PRKX: variants seen among roughly 807,000 people sequenced by gnomAD.
The protein encoded by PRKX is cAMP-dependent protein kinase catalytic subunit PRKX.
A neutral mutation model predicts 22.0 loss-of-function variants in PRKX; 12 were observed. That is an observed-to-expected ratio of 0.54 (90% confidence interval 0.35 to 0.88). The LOEUF (loss-of-function observed/expected upper bound fraction) is 0.88. Ranked by LOEUF, PRKX falls within the 40% of genes least tolerant of loss-of-function variation. The probability of loss-of-function intolerance (pLI) is 0.01; values close to 1 mark genes in which losing one functional copy is unlikely to be tolerated. For synonymous variants in PRKX, 134 were observed against 137.7 expected, an observed-to-expected ratio of 0.97 and a Z score of 0.19; for missense variants, 217 against 308.0, an observed-to-expected ratio of 0.70 and a Z score of 2.21.
intron 2 of PRKX, among the ~76,000 whole-genome samples, chrX:3,673,302 G>A (rs1340164147): frequency 9.0e-6 from 1 of 111,632 alleles, no homozygotes; most frequent in Non-Finnish European, 1.9e-5. Context: ...ATGAGTGTGT[G>A]AACAGCACCT....
chrX:3,631,663 C>T (rs962920684), intron 4 of PRKX, among the ~76,000 whole-genome samples: 4 of 111,500 alleles, frequency 3.6e-5, no homozygotes, highest in African/African-American at 1.3e-4. Context: ...TTAGGATGGC[C>T]CTAAATCCAA....
intron 3 of PRKX, among the ~76,000 whole-genome samples, chrX:3,642,439 C>T (rs1255049126): frequency 9.1e-6 from 1 of 109,876 alleles, no homozygotes; most frequent in Non-Finnish European, 1.9e-5. Flanking sequence ...CACACAGACA[C>T]AGAGAGGGGG....
intron 4 of PRKX, among the ~76,000 whole-genome samples, chrX:3,632,978 G>A (rs191801587): frequency 8.9e-6 from 1 of 112,482 alleles, no homozygotes; most frequent in Admixed American, 9.4e-5. Context: ...AGCATTTGGG[G>A]AGGCCAACGC....
intron 2 of PRKX, among the ~76,000 whole-genome samples, chrX:3,672,526 T>C (rs1185974015): frequency 9.0e-6 from 1 of 111,134 alleles, no homozygotes; most frequent in African/African-American, 3.3e-5. Context: ...CTCACTTGTA[T>C]ACTCCACCCA....
Position 3,622,172 on chromosome X carries a change from C to T in PRKX, c.816-856G>A, listed in dbSNP as rs180852352. 1.1e-4 allele frequency among the ~76,000 whole-genome samples: 12 copies of T among 109,239 alleles called. No individual in the cohort carries two copies. In the East Asian group the frequency reaches 2.9e-3, roughly 26 times the overall value. The allele number at this position is 109,239 out of a possible 115,157, so 94.9% of individuals were successfully genotyped here. A position where few individuals can be genotyped will look rare whatever the true frequency, so the allele number is the denominator to read the frequency against. On this transcript the variant is annotated intron_variant, in intron 5 of 8. Coordinates refer to ENST00000262848, the MANE Select transcript of PRKX (RefSeq NM_005044.5). Reference sequence around the variant, plus strand: ...AAAAAACAAAAACAAACAACAACAACGACAACAAAAAACAGCAAGCTGCTT... The same window carrying T: ...AAAAAACAAAAACAAACAACAACAATGACAACAAAAAACAGCAAGCTGCTT...
At chrX:3,622,985 T>C (rs1454078191) in intron 5 of PRKX, among the ~76,000 whole-genome samples, 1 of 112,091 alleles carries the variant, frequency 8.9e-6, no homozygotes, top group Non-Finnish European at 1.9e-5. Flanking sequence ...AAGACAGGTT[T>C]ATTTATGCTT....
intron 1 of PRKX, among the ~76,000 whole-genome samples, chrX:3,696,716 T>C (rs1425756129): frequency 8.9e-6 from 1 of 112,481 alleles, no homozygotes; most frequent in Non-Finnish European, 1.9e-5. Flanking sequence ...ATCTTCTTTA[T>C]AAGACAGACT....
In PRKX at chrX:3,612,282, T is replaced by C. The variant is rs751094148; in HGVS notation, c.995A>G (p.Asn332Ser). The C allele has an allele frequency of 3.3e-6, 4 of 1,208,499 alleles. No homozygotes were observed. Among genetic ancestry groups the C allele is most frequent in the South Asian group, 3.5e-5 (2 of 56,580 alleles). The change falls in exon 8 of 9, where the codon AAC (asparagine) becomes AGC (serine). Residue 332 changes from asparagine to serine, a missense_variant. Transcript: ENST00000262848. ...GTCATTCTCAGGGTAAGTTTCGAAG[T>C]TGGAAGTGTCGCCGTCACCAGCTAT... Reference protein sequence around the residue: ...PKIAGDGDTSNFETYPENDWD... With the variant: ...PKIAGDGDTSSFETYPENDWD...
rs1926228675 is a variant in PRKX, at chrX:3,608,540, G to A, written c.*429C>T. The A allele has an allele frequency of 9.3e-6, 1 of 107,390 alleles. No homozygotes were observed. The highest frequency in any genetic ancestry group is 4.3e-4 in the South Asian group (1 of 2,347). The allele number at this position is 107,390 out of a possible 1,213,427, so 8.9% of individuals were successfully genotyped here. On this transcript the variant is annotated 3_prime_UTR_variant, in exon 9 of 9. Transcript: ENST00000262848. ...ATTTACATCACTGCACAATTTCTGT[G>A]CATCTGCCATAATGACTTCTATATA...
At chrX:3,691,428 G>A (rs943422317) in intron 1 of PRKX, among the ~76,000 whole-genome samples, 14 of 44,454 alleles carry the variant, frequency 3.1e-4, no homozygotes, top group Non-Finnish European at 5.9e-4. Flanking sequence ...CAGTCCCCCC[G>A]CCCCGGGGGA....
At chrX:3,657,775 T>C (rs6641826) in intron 2 of PRKX, among the ~76,000 whole-genome samples, 17,427 of 110,996 alleles carry the variant, frequency 0.16, 1,238 homozygotes, top group East Asian at 0.34. Context: ...AAGGTGTTGA[T>C]TAATGGAAGA....
intron 1 of PRKX, among the ~76,000 whole-genome samples, chrX:3,711,516 C>T (rs1321811298): frequency 8.9e-6 from 1 of 112,328 alleles, no homozygotes; most frequent in African/African-American, 3.2e-5. Flanking sequence ...CCCAGCTCCA[C>T]CTTTCCCAAG....
intron 6 of PRKX, among the ~76,000 whole-genome samples, chrX:3,620,655 A>C (rs1295216409): frequency 8.9e-6 from 1 of 112,407 alleles, no homozygotes; most frequent in East Asian, 2.8e-4. Context: ...TGCGCAACTA[A>C]GGGATTTAGG....
chrX:3,621,066 G>A (rs755085030), intron 6 of PRKX, among the ~76,000 whole-genome samples, 193 bp downstream of exon 6: 7 of 111,473 alleles, frequency 6.3e-5, no homozygotes, highest in Non-Finnish European at 1.1e-4. Context: ...CCCAGAAACC[G>A]AGATTTGATA....
chrX:3,705,408 G>T (rs934585600), intron 1 of PRKX, among the ~76,000 whole-genome samples: 3 of 110,966 alleles, frequency 2.7e-5, no homozygotes, highest in Non-Finnish European at 3.8e-5. Context: ...AAGAATCTTG[G>T]GGTGGGGGAC....
chrX:3,638,324 A>C (rs1443440892), intron 4 of PRKX, among the ~76,000 whole-genome samples: 1 of 111,338 alleles, frequency 9.0e-6, no homozygotes, highest in Non-Finnish European at 1.9e-5. Flanking sequence ...TTGTATTCTA[A>C]CAATATTATG....
intron 1 of PRKX, among the ~76,000 whole-genome samples, chrX:3,694,658 G>C (rs973136806): frequency 1.8e-5 from 2 of 111,867 alleles, no homozygotes; most frequent in African/African-American, 6.5e-5. Flanking sequence ...TCCAGAACCT[G>C]GAATGGGAAC....
chrX:3,712,600 C>A (rs918365141), intron 1 of PRKX, among the ~76,000 whole-genome samples: 1 of 112,578 alleles, frequency 8.9e-6, no homozygotes, highest in African/African-American at 3.2e-5. Flanking sequence ...CCCCCACAGC[C>A]CAGCTGCTCC....
intron 1 of PRKX, among the ~76,000 whole-genome samples, chrX:3,678,906 G>A (rs1928017064): frequency 9.0e-6 from 1 of 111,311 alleles, no homozygotes; most frequent in Non-Finnish European, 1.9e-5. Context: ...TAAAAAAAGA[G>A]TGTTTTCAAG....
Sources: allele counts gnomAD v4.1 joint callset (sites outside exome capture counted in the v4.1 genomes callset), GRCh38; gene constraint gnomAD v4.1.1; transcripts MANE v1.5; gene names NCBI Gene and HGNC (gene_info 2026-07-23, HGNC 2026-07-21).